The following DMD variants were observed in gnomAD, a reference collection of about 807,000 sequenced individuals.
DMD encodes the protein mutant dystrophin.
DMD carries 63 observed loss-of-function variants against 330.1 expected under a neutral mutation model. The ratio of observed to expected loss-of-function variants is 0.19; its 90% CI spans 0.16 to 0.24. The LOEUF is 0.24. Among genes scored for constraint, DMD ranks in the 10% least tolerant of loss-of-function variants. DMD has a pLI of 1.00. For missense variants in DMD, 3,344 were observed against 2,684.1 expected, an observed-to-expected ratio of 1.25 and a Z score of -5.43; for synonymous variants, 1,223 against 959.8, an observed-to-expected ratio of 1.27 and a Z score of -5.07.
At chrX:32,649,839 G>C (rs73467369) in intron 9 of DMD, among the ~76,000 whole-genome samples, 3,158 of 110,469 alleles carry the variant, frequency 0.029, 134 homozygotes, top group African/African-American at 0.099. Flanking sequence ...TAACCTCTCT[G>C]CATCTCAGTT....
intron 1 of DMD, among the ~76,000 whole-genome samples, chrX:33,206,200 C>A (rs1476519273): frequency 8.9e-6 from 1 of 112,032 alleles, no homozygotes; most frequent in Non-Finnish European, 1.9e-5. Flanking sequence ...TATTATTCAC[C>A]AGTCTTAGAT....
chrX:32,805,192 A>G (rs1443047686), intron 7 of DMD, among the ~76,000 whole-genome samples: 1 of 111,947 alleles, frequency 8.9e-6, no homozygotes, highest in Admixed American at 9.5e-5. Flanking sequence ...TTCTAACCCA[A>G]TGGAAGGAAG....
intron 1 of DMD, among the ~76,000 whole-genome samples, chrX:33,198,953 TAA>T (rs373235770): frequency 1.1e-5 from 1 of 93,223 alleles, no homozygotes; most frequent in African/African-American, 3.9e-5. Context: ...GTACTGTAGA[TAA>T]AAAAAAAAAG....
chrX:33,050,454 G>A (rs1010657323), intron 1 of DMD, among the ~76,000 whole-genome samples: 1 of 111,705 alleles, frequency 9.0e-6, no homozygotes, highest in African/African-American at 3.3e-5. Flanking sequence ...TGGAAAAAAT[G>A]CACGCAGAAT....
intron 60 of DMD, among the ~76,000 whole-genome samples, chrX:31,352,585 C>T (rs2058486613): frequency 8.9e-6 from 1 of 111,820 alleles, no homozygotes; most frequent in Admixed American, 9.5e-5. Context: ...AGGAGCGCTC[C>T]AGTGGTAGTT....
At chrX:31,190,176 A>G (rs774579107) in intron 67 of DMD, among the ~76,000 whole-genome samples, 55 of 112,262 alleles carry the variant, frequency 4.9e-4, no homozygotes, top group African/African-American at 1.7e-3. Context: ...AACATCGCCA[A>G]ATATGTTAAA....
intron 59 of DMD, among the ~76,000 whole-genome samples, chrX:31,476,300 A>ATATATC (rs780169565): frequency 6.2e-4 from 66 of 105,735 alleles, no homozygotes; most frequent in Non-Finnish European, 1.1e-3. Context: ...GCAAAGGCAG[A>ATATATC]TATATCTATA....
intron 15 of DMD, among the ~76,000 whole-genome samples, chrX:32,569,083 A>G (rs1461547146): frequency 8.9e-6 from 1 of 111,993 alleles, no homozygotes; most frequent in Non-Finnish European, 1.9e-5. Flanking sequence ...AAGAATAAAC[A>G]GACTTTATTT....
At chrX:32,886,678 G>A (rs1228785789) in intron 2 of DMD, among the ~76,000 whole-genome samples, 2 of 110,037 alleles carry the variant, frequency 1.8e-5, no homozygotes, top group African/African-American at 6.6e-5. Context: ...GCAAGACTCC[G>A]TCTCAAAAAA....
At chrX:31,907,359 A>T (rs1603574165) in intron 47 of DMD, among the ~76,000 whole-genome samples, 1 of 112,072 alleles carries the variant, frequency 8.9e-6, no homozygotes, top group East Asian at 2.8e-4. Flanking sequence ...TGGTACCAAA[A>T]CAGAGATATA....
Position 32,464,690 on chromosome X carries a change from G to T in DMD, c.3172C>A (p.Gln1058Lys). The T allele has an allele frequency of 8.4e-7, 1 of 1,192,483 alleles. No individual in the cohort carries two copies. The highest frequency in any genetic ancestry group is 1.1e-6 in the Non-Finnish European group (1 of 878,213). ...NKLRKIQNHI[Q>K]TLKKWMAEVD... is the part of the protein sequence containing the mutation. ...TCAGCCATCCATTTCTTCAGGGTTT[G>T]TATGTGATTCTGAAACGAGACCCGT... Residue 1058 changes from glutamine to lysine, a missense_variant, in exon 24 of 79, where the codon CAA (glutamine) becomes AAA (lysine). Gln to Lys is a moderately conservative substitution (Grantham distance 53, BLOSUM62 1). Transcript: ENST00000357033.
chrX:32,075,605 A>G (rs979213473), intron 44 of DMD, among the ~76,000 whole-genome samples: 11 of 111,556 alleles, frequency 9.9e-5, no homozygotes, highest in African/African-American at 2.3e-4. Flanking sequence ...CAGATTCTCA[A>G]TTCTGTACCC....
chrX:31,886,475 C>CA (rs1254660688), intron 47 of DMD, among the ~76,000 whole-genome samples: 5 of 111,646 alleles, frequency 4.5e-5, no homozygotes, highest in Non-Finnish European at 9.4e-5. Context: ...GACAAATACT[C>CA]AATTAAAAAG....
At position 32,518,028 on chromosome X, in the gene DMD, C is replaced by G. The variant is rs1426562198; in HGVS notation, c.2272G>C (p.Asp758His). 1 of 1,210,589 alleles carries G rather than the reference C, an allele frequency of 8.3e-7. No individual in the cohort carries two copies. Residue 758 changes from aspartate to histidine, a missense_variant, in exon 18 of 79, where the codon GAC (aspartate) becomes CAC (histidine). Asp to His is a moderately conservative substitution (Grantham distance 81). Coordinates refer to ENST00000357033, the MANE Select transcript of DMD (RefSeq NM_004006.3). ...AIFRKEGNFSDLKEKVNAIER... is the reference protein window; with the variant it reads ...AIFRKEGNFSHLKEKVNAIER... Reference sequence around the variant, plus strand: ...CCTACATTGACTTTTTCTTTTAAGTCTGAGAAGTTGCCTTCCTTCCGAAAG... The same window carrying G: ...CCTACATTGACTTTTTCTTTTAAGTGTGAGAAGTTGCCTTCCTTCCGAAAG...
chrX:32,003,146 A>G (rs1262501825), intron 44 of DMD, among the ~76,000 whole-genome samples: 1 of 112,073 alleles, frequency 8.9e-6, no homozygotes, highest in Non-Finnish European at 1.9e-5. Context: ...GCTACTGTGT[A>G]TCCTCAACCA....
intron 29 of DMD, among the ~76,000 whole-genome samples, chrX:32,418,444 T>C (rs956204248): frequency 6.3e-5 from 7 of 111,674 alleles, no homozygotes; most frequent in Non-Finnish European, 1.3e-4. Context: ...AAGATAGATA[T>C]GTTGATGCTT....
chrX:32,921,108 A>G (rs753370989), intron 2 of DMD, among the ~76,000 whole-genome samples: 19 of 112,023 alleles, frequency 1.7e-4, no homozygotes, highest in Non-Finnish European at 3.0e-4. Context: ...ATTTTTAAAT[A>G]TGGTCAAGAA....
intron 44 of DMD, among the ~76,000 whole-genome samples, chrX:32,023,304 G>T (rs1053292729): frequency 9.0e-6 from 1 of 110,982 alleles, no homozygotes; most frequent in African/African-American, 3.3e-5. Flanking sequence ...GACCTGGGGG[G>T]TATTATCATC....
intron 6 of DMD, among the ~76,000 whole-genome samples, chrX:32,812,171 A>G (rs989954517): frequency 9.0e-6 from 1 of 111,725 alleles, no homozygotes; most frequent in African/African-American, 3.3e-5. Flanking sequence ...TCCTACAAAA[A>G]AACTCTCCAT....
Sources: gnomAD v4.1 joint callset for allele counts (sites outside exome capture counted in the v4.1 genomes callset) on GRCh38, gnomAD v4.1.1 for gene constraint, MANE v1.5 for transcripts, NCBI Gene and HGNC (gene_info 2026-07-23, HGNC 2026-07-21) for gene names.